Variants in CSMD1 observed in about 807,000 individuals in gnomAD.
CSMD1 encodes the protein CUB and Sushi multiple domains 1, also known as CUB and sushi domain-containing protein 1.
CSMD1 carries 213 observed loss-of-function variants against 417.5 expected under a neutral mutation model. The ratio of observed to expected loss-of-function variants is 0.51; its 90% CI spans 0.46 to 0.57. The LOEUF (loss-of-function observed/expected upper bound fraction) is 0.57, where lower values mean the gene tolerates loss of function less well. Ranked by LOEUF, CSMD1 falls within the 20% of genes least tolerant of loss-of-function variation. CSMD1 has a pLI of 0.00. For missense variants in CSMD1, 6,923 were observed against 4,529.7 expected, an observed-to-expected ratio of 1.53 and a Z score of -15.17; for synonymous variants, 2,862 against 1,736.8, an observed-to-expected ratio of 1.65 and a Z score of -16.11.
In CSMD1 at chr8:3,448,233, A is replaced by T. The variant is rs557564916; in HGVS notation, c.1561+20479T>A. ...TTTCCTGATGGGGCCAACTCTCAAA[A>T]GGGAGAAGAGGATTGATCTCAAGAC... On this transcript the variant is annotated intron_variant, in intron 12 of 69. Transcript: ENST00000635120. 3.4e-5 allele frequency among the ~76,000 whole-genome samples: 5 copies of T among 145,676 alleles called. No individual in the cohort carries two copies. In the South Asian group the frequency reaches 1.2e-3, roughly 35 times the overall value.
At chr8:4,943,509 GAAATAAAATAAAATA>G (rs71209140) in intron 1 of CSMD1, among the ~76,000 whole-genome samples, 14 of 147,534 alleles carry the variant, frequency 9.5e-5, no homozygotes, top group Admixed American at 3.3e-4. Flanking sequence ...AAAATAAAAT[GAAATAAAATAAAATA>G]AAATAAAATA....
chr8:4,821,971 T>A (rs1799549965), intron 1 of CSMD1, among the ~76,000 whole-genome samples: 3 of 152,040 alleles, frequency 2.0e-5, no homozygotes, highest in African/African-American at 7.3e-5. Flanking sequence ...CAGAGAATAC[T>A]ACGTAAAATA....
At chr8:4,622,447 C>A (rs185549803) in intron 2 of CSMD1, among the ~76,000 whole-genome samples, 2 of 152,076 alleles carry the variant, frequency 1.3e-5, no homozygotes, top group Non-Finnish European at 2.9e-5. Flanking sequence ...ATGATTGTCA[C>A]TGGATACCCT....
intron 5 of CSMD1, among the ~76,000 whole-genome samples, chr8:3,819,177 C>G (rs962899706): frequency 6.6e-6 from 1 of 152,048 alleles, no homozygotes; most frequent in African/African-American, 2.4e-5. Context: ...TGAGTCTGCC[C>G]ACAGTGAAAC....
chr8:3,877,333 C>A (rs779366539), intron 5 of CSMD1, among the ~76,000 whole-genome samples: 18 of 152,148 alleles, frequency 1.2e-4, no homozygotes, highest in African/African-American at 4.3e-4. Flanking sequence ...CAGCTGTGTC[C>A]ATGATGGGGG....
chr8:3,688,780 G>C (rs1304607102), intron 7 of CSMD1, among the ~76,000 whole-genome samples: 1 of 152,084 alleles, frequency 6.6e-6, no homozygotes, highest in African/African-American at 2.4e-5. Flanking sequence ...ATTCTGACAT[G>C]CTAGAGTATA....
At chr8:3,138,629 G>A (rs770707681) in intron 41 of CSMD1, among the ~76,000 whole-genome samples, 3 of 152,160 alleles carry the variant, frequency 2.0e-5, no homozygotes, top group Admixed American at 1.3e-4. Context: ...AAACAGTTCC[G>A]AATGACTAAC....
At chr8:4,160,371 G>C (rs1005680018) in intron 3 of CSMD1, among the ~76,000 whole-genome samples, 1 of 152,096 alleles carries the variant, frequency 6.6e-6, no homozygotes, top group Non-Finnish European at 1.5e-5. Flanking sequence ...AGCCAACTTT[G>C]GAAATTTGGT....
chr8:3,776,780 C>T (rs1295902200), intron 5 of CSMD1, among the ~76,000 whole-genome samples: 1 of 121,506 alleles, frequency 8.2e-6, no homozygotes, highest in Non-Finnish European at 1.7e-5. Flanking sequence ...GATAGATGAG[C>T]AGTGATAGAT....
chr8:3,874,763 C>T (rs35003539), intron 5 of CSMD1, among the ~76,000 whole-genome samples: 11,082 of 152,004 alleles, frequency 0.073, 480 homozygotes, highest in South Asian at 0.15. Flanking sequence ...ATGTCTGTGA[C>T]GGGGAAGGAC....
At chr8:4,495,390 G>A (rs1324156848) in intron 2 of CSMD1, among the ~76,000 whole-genome samples, 1 of 151,994 alleles carries the variant, frequency 6.6e-6, no homozygotes, top group Non-Finnish European at 1.5e-5. Context: ...CATGGCCAAC[G>A]TGGTGAAACC....
intron 10 of CSMD1, among the ~76,000 whole-genome samples, chr8:3,551,399 G>A (rs1401148797): frequency 6.6e-6 from 1 of 151,966 alleles, no homozygotes; most frequent in African/African-American, 2.4e-5. Context: ...GGGGGTAAAT[G>A]CTTTAGGTTG....
At chr8:4,126,139 C>A (rs1392648759) in intron 3 of CSMD1, among the ~76,000 whole-genome samples, 1 of 152,044 alleles carries the variant, frequency 6.6e-6, no homozygotes, top group Non-Finnish European at 1.5e-5. Flanking sequence ...TTCAACCTGA[C>A]CAGTCAGCAC....
chr8:4,356,223 G>C (rs1013500214), intron 3 of CSMD1, among the ~76,000 whole-genome samples: 2 of 152,090 alleles, frequency 1.3e-5, no homozygotes, highest in East Asian at 1.9e-4. Context: ...TTCCATTCCT[G>C]AGTTACTTCA....
chr8:4,791,070 GT>G, intron 1 of CSMD1, among the ~76,000 whole-genome samples: 1 of 118,360 alleles, frequency 8.4e-6, no homozygotes, highest in Non-Finnish European at 2.0e-5. Flanking sequence ...GAGAGAGACG[GT>G]GAGAGAGACG....
At chr8:4,615,262 A>G (rs1801410891) in intron 2 of CSMD1, among the ~76,000 whole-genome samples, 1 of 152,194 alleles carries the variant, frequency 6.6e-6, no homozygotes. Flanking sequence ...GAACGTGGAG[A>G]GCTTAAGGCA....
chr8:3,730,180 T>C (rs1802759765), intron 6 of CSMD1, among the ~76,000 whole-genome samples: 1 of 152,060 alleles, frequency 6.6e-6, no homozygotes, highest in Admixed American at 6.5e-5. Context: ...CCCAAAATCA[T>C]GTCTCCAACA....
intron 7 of CSMD1, among the ~76,000 whole-genome samples, chr8:3,683,140 T>C (rs1024767208): frequency 1.3e-5 from 2 of 152,060 alleles, no homozygotes; most frequent in Non-Finnish European, 2.9e-5. Flanking sequence ...GGCACATGTA[T>C]ACATATGTAA....
rs1319348044 is a variant in CSMD1, at chr8:4,226,076, AC to A, written c.415+193876del. ...TTAGAGCTGACAGGCGGACACACAC[AC>A]ACACACACACACACACACACACACA... On this transcript the variant is annotated intron_variant, in intron 3 of 69. Transcript: ENST00000635120. 5.5e-4 allele frequency among the ~76,000 whole-genome samples: 73 copies of A among 133,664 alleles called. 1 individual carries two copies. Among genetic ancestry groups the A allele is most frequent in the African/African-American group, 2.6e-3 (72 of 28,096 alleles). The allele number at this position is 133,664 out of a possible 152,430, so 87.7% of individuals were successfully genotyped here. A position where few individuals can be genotyped will look rare whatever the true frequency, so the allele number is the denominator to read the frequency against.
Sources: allele counts gnomAD v4.1 joint callset (sites outside exome capture counted in the v4.1 genomes callset), GRCh38; gene constraint gnomAD v4.1.1; transcripts MANE v1.5; gene names NCBI Gene and HGNC (gene_info 2026-07-23, HGNC 2026-07-21).